The following VPS13D variants were observed in gnomAD, a reference collection of about 807,000 sequenced individuals.
VPS13D encodes intermembrane lipid transfer protein VPS13D.
In VPS13D, 187 loss-of-function variants were observed where a neutral mutation model predicts 461.9. The observed-to-expected ratio is 0.40, with a 90% CI of 0.36 to 0.46. The LOEUF is 0.46. Among genes scored for constraint, VPS13D ranks in the 20% least tolerant of loss-of-function variants. The pLI, the probability that VPS13D is intolerant of heterozygous loss-of-function variation, is 0.60. For synonymous variants in VPS13D, 1,951 were observed against 1,986.3 expected (o/e 0.98, Z 0.47); for missense variants, 4,711 against 5,364.9 (o/e 0.88, Z 3.81).
intron 65 of VPS13D, among the ~76,000 whole-genome samples, chr1:12,444,858 C>T (rs112605550): frequency 0.016 from 2,361 of 152,256 alleles, 29 homozygotes; most frequent in Non-Finnish European, 0.025. Context: ...GAGGTTCTGG[C>T]CAATGTTATT....
intron 30 of VPS13D, among the ~76,000 whole-genome samples, chr1:12,316,244 A>G (rs1361221989): frequency 6.6e-6 from 1 of 152,184 alleles, no homozygotes; most frequent in Non-Finnish European, 1.5e-5. Flanking sequence ...TTATAGGTGT[A>G]TAATTGGAGT....
At chr1:12,236,962 T>C (rs1236585465) in intron 2 of VPS13D, among the ~76,000 whole-genome samples, 3 of 152,136 alleles carry the variant, frequency 2.0e-5, no homozygotes, top group Non-Finnish European at 4.4e-5. Context: ...CTTGGCATAT[T>C]GTAGGCTCTC....
intron 62 of VPS13D, among the ~76,000 whole-genome samples, chr1:12,403,390 A>G (rs1644605449): frequency 6.6e-6 from 1 of 152,192 alleles, no homozygotes; most frequent in South Asian, 2.1e-4. Context: ...TTTATGTTTC[A>G]CTCAGATTCG....
At chr1:12,264,144 G>A (rs1641196776) in intron 13 of VPS13D, among the ~76,000 whole-genome samples, 1 of 152,134 alleles carries the variant, frequency 6.6e-6, no homozygotes. Context: ...ATAGAAGATG[G>A]TAACTTAGTC....
rs548930442 is a variant in VPS13D at position 12,468,887 on chromosome 1, A to G, written c.12662+8491A>G. Among the ~76,000 whole-genome samples, 12 of 151,982 alleles carry G rather than the reference A, an allele frequency of 7.9e-5. No individual in the cohort carries two copies. In the South Asian group the frequency reaches 2.3e-3, roughly 29 times the overall value. On this transcript the variant is annotated intron_variant, in intron 67 of 69. Transcript: ENST00000620676. ...GTCTCTATAAAAATATACAAAAATT[A>G]CCCGGGTATGGTGGCACGCGCCTGT...
intron 66 of VPS13D, among the ~76,000 whole-genome samples, chr1:12,459,666 A>G (rs1045625288): frequency 3.5e-4 from 53 of 151,932 alleles, no homozygotes; most frequent in African/African-American, 1.2e-3. Flanking sequence ...TTTAGTAAAG[A>G]TGGGGTTTCA....
At chr1:12,332,574 G>A (rs759374506) in intron 37 of VPS13D, among the ~76,000 whole-genome samples, 5 of 152,172 alleles carry the variant, frequency 3.3e-5, no homozygotes, top group Admixed American at 2.6e-4. Context: ...AGAAGAGCAA[G>A]GAAATGATTA....
chr1:12,489,647 C>A (rs888741083), intron 67 of VPS13D, among the ~76,000 whole-genome samples: 1 of 152,164 alleles, frequency 6.6e-6, no homozygotes, highest in South Asian at 2.1e-4. Context: ...TACACCCTAG[C>A]CCATCTTAGA....
intron 44 of VPS13D, 64 bp from the exon 45 acceptor site, chr1:12,348,759 T>A: frequency 6.3e-7 from 1 of 1,576,642 alleles, no homozygotes; most frequent in Non-Finnish European, 8.7e-7. Context: ...TTCTGATCGA[T>A]ATTATTGTAT....
At chr1:12,456,369 G>A (rs930117606) in intron 66 of VPS13D, among the ~76,000 whole-genome samples, 1 of 152,072 alleles carries the variant, frequency 6.6e-6, no homozygotes, top group African/African-American at 2.4e-5. Flanking sequence ...CAGGCACAGT[G>A]GCTCAATCCT....
chr1:12,400,409 A>T (rs2101681157), intron 61 of VPS13D, 79 bp downstream of exon 61: 7 of 1,549,932 alleles, frequency 4.5e-6, no homozygotes, highest in Non-Finnish European at 6.1e-6. Flanking sequence ...GTCTCAGAGC[A>T]GCAGTGCCGG....
intron 7 of VPS13D, among the ~76,000 whole-genome samples, chr1:12,254,103 T>A (rs1381804244): frequency 6.6e-6 from 1 of 152,258 alleles, no homozygotes; most frequent in Non-Finnish European, 1.5e-5. Flanking sequence ...GTTTTTAAGA[T>A]GTTGCTGTTT....
At chr1:12,444,703 C>G (rs1301062248) in intron 65 of VPS13D, among the ~76,000 whole-genome samples, 1 of 152,124 alleles carries the variant, frequency 6.6e-6, no homozygotes, top group East Asian at 1.9e-4. Flanking sequence ...AACTGTCCAT[C>G]TTATTTTTCT....
chr1:12,377,297 T>C (rs1455462915), intron 55 of VPS13D, among the ~76,000 whole-genome samples: 1 of 151,304 alleles, frequency 6.6e-6, no homozygotes, highest in Non-Finnish European at 1.5e-5. Context: ...TGACCTCAGG[T>C]GATACACCTG....
chr1:12,266,255 T>C (rs780806341), intron 13 of VPS13D, among the ~76,000 whole-genome samples: 2 of 152,236 alleles, frequency 1.3e-5, no homozygotes, highest in Non-Finnish European at 2.9e-5. Context: ...TTGAGAGGAT[T>C]GACTGTGGTT....
At position 12,401,698 on chromosome 1, in the gene VPS13D, G is replaced by C. The variant is rs774035389; in HGVS notation, c.11875G>C (p.Glu3959Gln). The C allele has an allele frequency of 1.9e-6, 3 of 1,612,742 alleles. No homozygotes were observed. The highest frequency in any genetic ancestry group is 2.5e-6 in the Non-Finnish European group (3 of 1,178,892). Reference sequence around the variant, plus strand: ...AAGTTTCTTTGGCTACGATCAAGCAGAATCAGGTAATGTTGAATGTTCTAT... The same window carrying C: ...AAGTTTCTTTGGCTACGATCAAGCACAATCAGGTAATGTTGAATGTTCTAT... ...LLSFFGYDQAESEVEKYDENL... is the reference protein window; with the variant it reads ...LLSFFGYDQAQSEVEKYDENL... The change falls in exon 62 of 70, where the codon GAA (glutamate) becomes CAA (glutamine). Residue 3959 changes from glutamate (E) to glutamine (Q), a missense_variant. Around this residue, in one of 3 missense-constraint regions of VPS13D, gnomAD observed 4,411 missense variants for 4,937.8 expected, o/e 0.89. Coordinates refer to ENST00000620676, the MANE Select transcript of VPS13D (RefSeq NM_015378.4).
At chr1:12,375,310 C>A (rs1289884359) in intron 55 of VPS13D, among the ~76,000 whole-genome samples, 1 of 152,206 alleles carries the variant, frequency 6.6e-6, no homozygotes, top group East Asian at 1.9e-4. Context: ...GGTTCCCAGG[C>A]TCTCTCAGAA....
chr1:12,473,650 C>T lies in VPS13D; in HGVS notation c.12662+13254C>T, dbSNP rs907083735. 3.9e-5 allele frequency among the ~76,000 whole-genome samples: 6 copies of T among 152,144 alleles called. No individual in the cohort carries two copies. Among genetic ancestry groups the T allele is most frequent in the Admixed American group, 3.9e-4 (6 of 15,282 alleles). ...GCAGGTAGGGCTCAAGAAATGGTGTCAGTGTGAATATTCTCCCCTGAATGT... is the reference window on the plus strand; with the variant it reads ...GCAGGTAGGGCTCAAGAAATGGTGTTAGTGTGAATATTCTCCCCTGAATGT... On this transcript the variant is annotated intron_variant, in intron 67 of 69. Transcript: ENST00000620676. This position sits in a 1 kb window ranked among gnomAD's most constrained non-coding sequence, Gnocchi z 4.2.
intron 67 of VPS13D, chr1:12,497,257 A>G (rs1645971933): frequency 3.4e-6 from 1 of 295,134 alleles, no homozygotes; most frequent in South Asian, 5.8e-5. Flanking sequence ...CTGAGGGTTA[A>G]GGAAGGTAAC....
Sources: gnomAD v4.1 joint callset for allele counts (sites outside exome capture counted in the v4.1 genomes callset) on GRCh38, gnomAD v4.1.1 for gene constraint, gnomAD v4.1.1 regional missense constraint, Gnocchi (gnomAD v3.1) non-coding constraint, MANE v1.5 for transcripts, NCBI Gene and HGNC (gene_info 2026-07-23, HGNC 2026-07-21) for gene names.